The following ITGA4 variants were observed in gnomAD, a reference collection of about 807,000 sequenced individuals.
ITGA4 encodes integrin subunit alpha 4.
ITGA4 carries 63 observed loss-of-function variants against 133.6 expected under a neutral mutation model. That is an observed-to-expected ratio of 0.47 (90% CI 0.38 to 0.58). The LOEUF is 0.58. Among genes scored for constraint, ITGA4 ranks in the 20% least tolerant of loss-of-function variants. ITGA4 has a pLI of 0.00. For missense variants in ITGA4, 1,076 were observed against 1,252.7 expected, an observed-to-expected ratio of 0.86 and a Z score of 2.13; for synonymous variants, 483 against 438.0, an observed-to-expected ratio of 1.10 and a Z score of -1.28.
intron 16 of ITGA4, among the ~76,000 whole-genome samples, chr2:181,510,588 A>T: frequency 6.6e-6 from 1 of 152,122 alleles, no homozygotes; most frequent in Non-Finnish European, 1.5e-5. Context: ...GGTCTAGTTC[A>T]CATCCTGTCC....
At position 181,538,018 on chromosome 2, in the gene ITGA4, G is replaced by A. The variant is rs771308368; in HGVS notation, c.*2491G>A. 1.5e-6 allele frequency: 1 copy of A among 689,486 alleles called. No homozygotes were observed. The highest frequency in any genetic ancestry group is 1.5e-5 in the South Asian group (1 of 66,248). The allele number at this position is 689,486 out of a possible 1,614,324, so 42.7% of individuals were successfully genotyped here. ...TCCTCAAGAGAATCTAATGCCTGAT[G>A]ATCTGAGGTGGAACAGTTCATCCTG... On this transcript the variant is annotated 3_prime_UTR_variant, in exon 28 of 28. Coordinates refer to ENST00000397033, the MANE Select transcript of ITGA4 (RefSeq NM_000885.6).
intron 17 of ITGA4, among the ~76,000 whole-genome samples, chr2:181,518,498 A>T (rs899607123): frequency 2.0e-5 from 3 of 152,106 alleles, no homozygotes; most frequent in African/African-American, 7.2e-5. Flanking sequence ...TACAAAATAG[A>T]TTTCAATTAA....
intron 9 of ITGA4, among the ~76,000 whole-genome samples, chr2:181,484,745 A>G (rs1315986111): frequency 6.6e-6 from 1 of 152,240 alleles, no homozygotes; most frequent in Admixed American, 6.5e-5. Flanking sequence ...ATTGACTACA[A>G]CATGGTACAT....
rs1686602717 is a variant in ITGA4, at chr2:181,516,156, T to A, written c.1922+4381T>A. On this transcript the variant is annotated intron_variant, in intron 17 of 27. Coordinates refer to ENST00000397033, the MANE Select transcript of ITGA4 (RefSeq NM_000885.6). This position sits in a 1 kb window ranked among gnomAD's most constrained non-coding sequence, Gnocchi z 4.0. ...AAGGTATTAGCCATCACATAGGGAG[T>A]TTAAAATCAAATCCTTGAAACTCAT... 6.6e-6 allele frequency among the ~76,000 whole-genome samples: 1 copy of A among 151,784 alleles called. No homozygotes were observed. The highest frequency in any genetic ancestry group is 1.5e-5 in the Non-Finnish European group (1 of 67,928).
chr2:181,465,257 A>G (rs944079921), intron 2 of ITGA4, among the ~76,000 whole-genome samples: 5 of 151,810 alleles, frequency 3.3e-5, no homozygotes, highest in African/African-American at 7.3e-5. Context: ...TATCCTTTAA[A>G]CTCTGCCCAG....
At chr2:181,510,011 T>G (rs1686476372) in intron 16 of ITGA4, 1 of 450,506 alleles carries the variant, frequency 2.2e-6, no homozygotes, top group Non-Finnish European at 4.0e-6. Context: ...ATGCATTTAA[T>G]CACAACAGTA....
intron 2 of ITGA4, among the ~76,000 whole-genome samples, chr2:181,468,513 A>G (rs1002598733): frequency 2.6e-5 from 4 of 152,164 alleles, no homozygotes; most frequent in African/African-American, 9.6e-5. Context: ...ACAAAAGTCA[A>G]TCTGCCCTCA....
chr2:181,534,981 T>A (rs775714677), intron 27 of ITGA4, 46 bp downstream of exon 27: 2 of 1,517,176 alleles, frequency 1.3e-6, no homozygotes, highest in Non-Finnish European at 1.8e-6. Flanking sequence ...AAAATGACAT[T>A]TTCTCAAAGC....
rs1246234479 is a variant in ITGA4, at chr2:181,536,724, T to TATTTTAAATGACTTTCTGG, written c.*1206_*1224dup. On this transcript the variant is annotated 3_prime_UTR_variant, in exon 28 of 28. Coordinates refer to ENST00000397033, the MANE Select transcript of ITGA4 (RefSeq NM_000885.6). ...AGTTTGTTCATACTATATGAGGTTCTATTTTAAATGACTTTCTGGATTTTA... is the reference window on the plus strand; with the variant it reads ...AGTTTGTTCATACTATATGAGGTTCTATTTTAAATGACTTTCTGGATTTTAAATGACTTTCTGGATTTTA... 4.1e-6 allele frequency: 1 copy of TATTTTAAATGACTTTCTGG among 244,848 alleles called. No homozygotes were observed. The highest frequency in any genetic ancestry group is 4.8e-5 in the South Asian group (1 of 20,700). 15.2% of individuals were successfully genotyped at this position (244,848 alleles called of 1,614,324 possible). A position where few individuals can be genotyped will look rare whatever the true frequency, so the allele number is the denominator to read the frequency against.
At chr2:181,477,359 A>G (rs1685699939) in intron 4 of ITGA4, among the ~76,000 whole-genome samples, 2 of 152,088 alleles carry the variant, frequency 1.3e-5, no homozygotes, top group African/African-American at 2.4e-5. Flanking sequence ...GCAAAAATAA[A>G]CAAATGAGAC....
intron 10 of ITGA4, among the ~76,000 whole-genome samples, chr2:181,489,928 C>A (rs1686008424): frequency 6.6e-6 from 1 of 152,128 alleles, no homozygotes; most frequent in Admixed American, 6.5e-5. Context: ...CGGCAAGACT[C>A]CTGTCTCAAG....
chr2:181,482,018 A>G (rs1331185346), intron 7 of ITGA4, among the ~76,000 whole-genome samples: 1 of 152,220 alleles, frequency 6.6e-6, no homozygotes, highest in Non-Finnish European at 1.5e-5. Flanking sequence ...ACTAGAAAGA[A>G]GGAAATATTA....
At position 181,537,575 on chromosome 2, in the gene ITGA4, G is replaced by A. The variant is rs1015197805; in HGVS notation, c.*2048G>A. Reference sequence around the variant, plus strand: ...GAGCAGTGAATCAAGGCAGACTTATGAAATCTGTATTATATTTGTAACAGA... The same window carrying A: ...GAGCAGTGAATCAAGGCAGACTTATAAAATCTGTATTATATTTGTAACAGA... On this transcript the variant is annotated 3_prime_UTR_variant, in exon 28 of 28. Coordinates refer to ENST00000397033, the MANE Select transcript of ITGA4 (RefSeq NM_000885.6). 2.3e-6 allele frequency: 1 copy of A among 432,174 alleles called. No individual in the cohort carries two copies. The highest frequency in any genetic ancestry group is 1.7e-5 in the South Asian group (1 of 60,520). The allele number at this position is 432,174 out of a possible 1,614,324, so 26.8% of individuals were successfully genotyped here.
At position 181,536,715 on chromosome 2, in the gene ITGA4, A is replaced by ATGAGGTTCTATT. The variant is rs1553510691; in HGVS notation, c.*1190_*1201dup. 4.2e-6 allele frequency: 1 copy of ATGAGGTTCTATT among 237,264 alleles called. No individual in the cohort carries two copies. Among genetic ancestry groups the ATGAGGTTCTATT allele is most frequent in the Admixed American group, 5.2e-5 (1 of 19,398 alleles). The allele number at this position is 237,264 out of a possible 1,614,324, so 14.7% of individuals were successfully genotyped here. Reference sequence around the variant, plus strand: ...TATTTTTATAGTTTGTTCATACTATATGAGGTTCTATTTTAAATGACTTTC... The same window carrying ATGAGGTTCTATT: ...TATTTTTATAGTTTGTTCATACTATATGAGGTTCTATTTGAGGTTCTATTTTAAATGACTTTC... On this transcript the variant is annotated 3_prime_UTR_variant, in exon 28 of 28. Transcript: ENST00000397033.
intron 2 of ITGA4, among the ~76,000 whole-genome samples, chr2:181,473,448 A>G (rs986149433): frequency 6.6e-6 from 1 of 152,234 alleles, no homozygotes; most frequent in African/African-American, 2.4e-5. Flanking sequence ...GGTGCCAAAA[A>G]GATTGGGAAC....
chr2:181,496,325 C>A (rs1686158536), intron 14 of ITGA4, among the ~76,000 whole-genome samples: 1 of 152,112 alleles, frequency 6.6e-6, no homozygotes, highest in Admixed American at 6.6e-5. Context: ...AATCCCAGCA[C>A]TTGAGGAGGC....
chr2:181,488,607 A>G (rs1054576286), intron 10 of ITGA4, among the ~76,000 whole-genome samples: 7 of 151,376 alleles, frequency 4.6e-5, no homozygotes, highest in Non-Finnish European at 1.0e-4. Context: ...CACCCAGGCC[A>G]GAGTGCAGTG....
chr2:181,514,637 C>T (rs928420808), intron 17 of ITGA4, among the ~76,000 whole-genome samples: 15 of 152,108 alleles, frequency 9.9e-5, no homozygotes, highest in African/African-American at 2.9e-4. Context: ...CCTCATGGGC[C>T]TTTGATAAGA....
At chr2:181,468,024 ATTAATCT>A (rs1356920352) in intron 2 of ITGA4, among the ~76,000 whole-genome samples, 1 of 152,244 alleles carries the variant, frequency 6.6e-6, no homozygotes, top group Non-Finnish European at 1.5e-5. Context: ...ATATGCTTAC[ATTAATCT>A]TTAATATGAT....
Sources: allele counts gnomAD v4.1 joint callset (sites outside exome capture counted in the v4.1 genomes callset), GRCh38; gene constraint gnomAD v4.1.1; non-coding constraint Gnocchi (gnomAD v3.1); transcripts MANE v1.5; gene names NCBI Gene and HGNC (gene_info 2026-07-23, HGNC 2026-07-21).